The following PACRG variants were observed in gnomAD, a reference collection of about 807,000 sequenced individuals.
PACRG encodes parkin coregulated gene protein.
PACRG carries 29 observed loss-of-function variants against 29.7 expected under a neutral mutation model. That is an observed-to-expected ratio of 0.98 (90% confidence interval 0.73 to 1.33). PACRG has a LOEUF of 1.33. Among genes scored for constraint, PACRG ranks in the 40% most tolerant of loss-of-function variants. The pLI, the probability that PACRG is intolerant of heterozygous loss-of-function variation, is 0.00. For synonymous variants in PACRG, 116 were observed against 118.7 expected (o/e 0.98, Z 0.15); for missense variants, 279 against 316.2 (o/e 0.88, Z 0.89).
chr6:162,845,840 T>G (rs1790324455), intron 2 of PACRG, among the ~76,000 whole-genome samples: 1 of 152,238 alleles, frequency 6.6e-6, no homozygotes, highest in Admixed American at 6.5e-5. Context: ...TTGTATGTTA[T>G]CATACACTAC....
intron 4 of PACRG, among the ~76,000 whole-genome samples, chr6:163,232,075 C>T (rs1371930631): frequency 6.6e-6 from 1 of 152,244 alleles, no homozygotes; most frequent in Non-Finnish European, 1.5e-5. Context: ...CTTGCTGGGA[C>T]TCTCAGGCCA....
intron 2 of PACRG, among the ~76,000 whole-genome samples, chr6:162,870,867 C>G (rs1792745629): frequency 6.6e-6 from 1 of 152,192 alleles, no homozygotes; most frequent in South Asian, 2.1e-4. Context: ...CTCTCCTGAT[C>G]TCTAATCTCT....
chr6:163,111,085 C>T (rs1377571859), intron 4 of PACRG, among the ~76,000 whole-genome samples: 2 of 150,922 alleles, frequency 1.3e-5, no homozygotes, highest in Non-Finnish European at 2.9e-5. Flanking sequence ...CATTTATAGT[C>T]AAGCAATTCA....
At chr6:163,161,389 C>T (rs1778549766) in intron 4 of PACRG, among the ~76,000 whole-genome samples, 1 of 151,946 alleles carries the variant, frequency 6.6e-6, no homozygotes, top group African/African-American at 2.4e-5. Context: ...GTTTGGTTTA[C>T]TGTGTAATGT....
At chr6:163,062,390 G>A in intron 3 of PACRG, 69 bp downstream of exon 3, 1 of 1,478,332 alleles carries the variant, frequency 6.8e-7, no homozygotes, top group Non-Finnish European at 9.1e-7. Context: ...TGCTAATTAA[G>A]CAATAAACCA....
At chr6:163,186,186 G>C (rs1218574197) in intron 4 of PACRG, among the ~76,000 whole-genome samples, 1 of 152,178 alleles carries the variant, frequency 6.6e-6, no homozygotes, top group Non-Finnish European at 1.5e-5. Context: ...TTCTCTGGCA[G>C]GCTTTCAGAT....
chr6:162,763,992 C>T (rs911620924), intron 1 of PACRG, among the ~76,000 whole-genome samples: 3 of 152,098 alleles, frequency 2.0e-5, no homozygotes, highest in Admixed American at 6.6e-5. Flanking sequence ...TGGGGTGCTC[C>T]AGGCCCGGCA....
chr6:163,119,204 C>CTACA (rs1261258371), intron 4 of PACRG, among the ~76,000 whole-genome samples: 1 of 152,228 alleles, frequency 6.6e-6, no homozygotes, highest in Non-Finnish European at 1.5e-5. Flanking sequence ...GATTCCTGCT[C>CTACA]TACAGCTAGA....
intron 4 of PACRG, among the ~76,000 whole-genome samples, chr6:163,167,110 A>T (rs893999363): frequency 6.6e-6 from 1 of 152,222 alleles, no homozygotes; most frequent in African/African-American, 2.4e-5. Context: ...AGGAGGGCTA[A>T]AATGTCTGCA....
intron 2 of PACRG, among the ~76,000 whole-genome samples, chr6:162,944,747 G>T (rs1462106726): frequency 6.6e-6 from 1 of 151,892 alleles, no homozygotes; most frequent in Non-Finnish European, 1.5e-5. Context: ...AAAATCGGGA[G>T]ACAGGTCTTT....
chr6:162,836,632 T>G (rs999278057), intron 2 of PACRG, among the ~76,000 whole-genome samples: 1 of 152,180 alleles, frequency 6.6e-6, no homozygotes, highest in Non-Finnish European at 1.5e-5. Flanking sequence ...TTCTCTCTGC[T>G]TCATTTCCCT....
At chr6:163,078,495 A>G (rs1458805325) in intron 3 of PACRG, among the ~76,000 whole-genome samples, 4 of 150,304 alleles carry the variant, frequency 2.7e-5, no homozygotes, top group East Asian at 2.0e-4. Flanking sequence ...ATTTAGTCTC[A>G]AAAAAAAAGG....
At chr6:163,014,069 C>T (rs895398365) in intron 2 of PACRG, among the ~76,000 whole-genome samples, 2 of 151,994 alleles carry the variant, frequency 1.3e-5, no homozygotes, top group Non-Finnish European at 2.9e-5. Context: ...TGAAAAACAT[C>T]CCTCTCAAAT....
At chr6:162,888,003 G>A (rs1224511977) in intron 2 of PACRG, among the ~76,000 whole-genome samples, 1 of 152,188 alleles carries the variant, frequency 6.6e-6, no homozygotes, top group South Asian at 2.1e-4. Flanking sequence ...TCAGTGTGTG[G>A]TGAGGGCTAC....
chr6:163,285,397 C>A (rs538127920), intron 4 of PACRG, among the ~76,000 whole-genome samples: 1 of 152,278 alleles, frequency 6.6e-6, no homozygotes, highest in Non-Finnish European at 1.5e-5. Flanking sequence ...GATCTCCCGT[C>A]TAAGCTCCCA....
At chr6:162,845,515 T>G (rs1790291763) in intron 2 of PACRG, among the ~76,000 whole-genome samples, 1 of 152,198 alleles carries the variant, frequency 6.6e-6, no homozygotes, top group Admixed American at 6.5e-5. Context: ...TACACAGTTT[T>G]AGACATTTCT....
chr6:163,290,323 C>CAG (rs1554242319), intron 4 of PACRG, among the ~76,000 whole-genome samples: 9,760 of 148,628 alleles, frequency 0.066, 395 homozygotes, highest in East Asian at 0.12. Flanking sequence ...CACACACACA[C>CAG]AGCAATCACT....
intron 1 of PACRG, among the ~76,000 whole-genome samples, chr6:162,808,672 G>A (rs1786568112): frequency 6.6e-6 from 1 of 152,104 alleles, no homozygotes; most frequent in Admixed American, 6.6e-5. Flanking sequence ...TGGTTCCCAA[G>A]TGCATTGGAT....
At chr6:163,006,966 A>G (rs1805177131) in intron 2 of PACRG, among the ~76,000 whole-genome samples, 1 of 150,804 alleles carries the variant, frequency 6.6e-6, no homozygotes, top group Non-Finnish European at 1.5e-5. Flanking sequence ...GTTATTTTGT[A>G]TTTTTATTTG....
Sources: allele counts gnomAD v4.1 joint callset (sites outside exome capture counted in the v4.1 genomes callset), GRCh38; gene constraint gnomAD v4.1.1; transcripts MANE v1.5; gene names NCBI Gene and HGNC (gene_info 2026-07-23, HGNC 2026-07-21).